The following SCFD2 variants were observed in gnomAD, a reference collection of about 807,000 sequenced individuals.
SCFD2 encodes the protein sec1 family domain-containing protein 2.
A neutral mutation model predicts 58.9 loss-of-function variants in SCFD2; 54 were observed. The observed-to-expected ratio is 0.92, with a 90% confidence interval of 0.74 to 1.15. The LOEUF is 1.15. Ranked by LOEUF, SCFD2 falls within the 50% of genes most tolerant of loss-of-function variation. The pLI is 0.00. For synonymous variants in SCFD2, 321 were observed against 335.9 expected (o/e 0.96, Z 0.49); for missense variants, 805 against 836.6 (o/e 0.96, Z 0.47).
chr4:52,924,217 T>C (rs935108856), intron 5 of SCFD2, among the ~76,000 whole-genome samples: 1 of 152,222 alleles, frequency 6.6e-6, no homozygotes, highest in African/African-American at 2.4e-5. Context: ...CTGGGTGGAA[T>C]AGAATCATCT....
chr4:53,097,251 GA>G (rs1724680825), intron 5 of SCFD2, among the ~76,000 whole-genome samples: 1 of 152,208 alleles, frequency 6.6e-6, no homozygotes, highest in Non-Finnish European at 1.5e-5. Flanking sequence ...ATTCTGTGAA[GA>G]AAGGCATTGG....
intron 1 of SCFD2, among the ~76,000 whole-genome samples, chr4:53,364,463 AC>A (rs1734637477): frequency 6.6e-6 from 1 of 152,224 alleles, no homozygotes; most frequent in African/African-American, 2.4e-5. Context: ...TTTAAGGATT[AC>A]ATTTGTTTCT....
chr4:53,083,916 A>G (rs1166260546), intron 5 of SCFD2, among the ~76,000 whole-genome samples: 1 of 152,182 alleles, frequency 6.6e-6, no homozygotes, highest in Non-Finnish European at 1.5e-5. Flanking sequence ...AGGGAACAGG[A>G]CAAAGGGCAA....
chr4:52,932,322 C>G (rs189902763), intron 5 of SCFD2, among the ~76,000 whole-genome samples: 1 of 152,324 alleles, frequency 6.6e-6, no homozygotes, highest in Admixed American at 6.5e-5. Context: ...AAACCTCTGT[C>G]ACAGCTAATT....
chr4:53,192,786 A>C (rs1192787685), intron 4 of SCFD2, among the ~76,000 whole-genome samples: 1 of 152,194 alleles, frequency 6.6e-6, no homozygotes, highest in African/African-American at 2.4e-5. Flanking sequence ...AGTAAATGCT[A>C]ATCTTACTAT....
intron 5 of SCFD2, among the ~76,000 whole-genome samples, chr4:53,126,678 C>T (rs1560347275): frequency 2.0e-5 from 3 of 152,164 alleles, no homozygotes; most frequent in Non-Finnish European, 4.4e-5. Flanking sequence ...AAACTGGTAC[C>T]TTGCAGGTCC....
At chr4:53,259,255 T>C (rs1411567443) in intron 4 of SCFD2, among the ~76,000 whole-genome samples, 1 of 152,258 alleles carries the variant, frequency 6.6e-6, no homozygotes, top group Non-Finnish European at 1.5e-5. Context: ...TTGTTTTTGT[T>C]GCATTTGCTT....
chr4:53,091,449 T>TA (rs1328038356), intron 5 of SCFD2, among the ~76,000 whole-genome samples: 6 of 151,976 alleles, frequency 3.9e-5, no homozygotes, highest in African/African-American at 1.4e-4. Context: ...TTCAGAATAT[T>TA]AAAAAACTAA....
chr4:53,362,864 G>A (rs1356450481), intron 1 of SCFD2, among the ~76,000 whole-genome samples: 1 of 152,180 alleles, frequency 6.6e-6, no homozygotes, highest in South Asian at 2.1e-4. Flanking sequence ...AGGTGAAAAA[G>A]TTGGCGTTAG....
At chr4:53,098,930 A>G (rs1237911145) in intron 5 of SCFD2, among the ~76,000 whole-genome samples, 1 of 152,154 alleles carries the variant, frequency 6.6e-6, no homozygotes, top group Non-Finnish European at 1.5e-5. Context: ...ATACTCTATC[A>G]TTCATCTAGC....
intron 5 of SCFD2, among the ~76,000 whole-genome samples, chr4:53,126,607 C>T (rs187532190): frequency 1.7e-3 from 256 of 152,326 alleles, no homozygotes; most frequent in Non-Finnish European, 2.6e-3. Flanking sequence ...TGAGCCACCA[C>T]GCCCATCCTC....
intron 5 of SCFD2, among the ~76,000 whole-genome samples, chr4:53,009,733 C>T (rs1393603028): frequency 6.6e-6 from 1 of 152,188 alleles, no homozygotes; most frequent in African/African-American, 2.4e-5. Context: ...ACTATTATGG[C>T]ATCTGAGCTC....
At chr4:53,137,691 T>C (rs910502971) in intron 5 of SCFD2, among the ~76,000 whole-genome samples, 4 of 152,208 alleles carry the variant, frequency 2.6e-5, no homozygotes, top group African/African-American at 9.6e-5. Flanking sequence ...GACCTGGACT[T>C]TAAAGATACT....
chr4:52,961,313 A>G (rs1022806596), intron 5 of SCFD2, among the ~76,000 whole-genome samples: 2 of 152,270 alleles, frequency 1.3e-5, no homozygotes, highest in Non-Finnish European at 2.9e-5. Flanking sequence ...TCCCGAAGCT[A>G]CTGGCGGCCA....
At chr4:53,097,184 T>A (rs950049752) in intron 5 of SCFD2, among the ~76,000 whole-genome samples, 15 of 152,272 alleles carry the variant, frequency 9.9e-5, no homozygotes, top group Admixed American at 8.5e-4. Context: ...CTTAGGATTG[T>A]CTTGGCAATG....
chr4:53,016,124 A>G (rs1268597360), intron 5 of SCFD2, among the ~76,000 whole-genome samples: 1 of 152,230 alleles, frequency 6.6e-6, no homozygotes, highest in Non-Finnish European at 1.5e-5. Flanking sequence ...ACATAAAATT[A>G]AAATATTAAC....
chr4:53,036,164 C>A (rs1404125977), intron 5 of SCFD2, among the ~76,000 whole-genome samples: 2 of 151,974 alleles, frequency 1.3e-5, no homozygotes, highest in African/African-American at 4.8e-5. Flanking sequence ...CACCCATCAA[C>A]TCGTCATTTA....
intron 8 of SCFD2, among the ~76,000 whole-genome samples, chr4:52,874,445 T>C (rs1007540580): frequency 2.0e-5 from 3 of 152,210 alleles, no homozygotes; most frequent in Non-Finnish European, 4.4e-5. Flanking sequence ...ATATCAAGGT[T>C]TCTCCCCATT....
chr4:53,228,579 G>T (rs2149003580), intron 4 of SCFD2, among the ~76,000 whole-genome samples: 1 of 152,166 alleles, frequency 6.6e-6, no homozygotes, highest in Non-Finnish European at 1.5e-5. Flanking sequence ...AACACTTCAT[G>T]CTAAAAACTC....
Sources: gnomAD v4.1 joint callset for allele counts (sites outside exome capture counted in the v4.1 genomes callset) on GRCh38, gnomAD v4.1.1 for gene constraint, MANE v1.5 for transcripts, NCBI Gene and HGNC (gene_info 2026-07-23, HGNC 2026-07-21) for gene names.